TENM2: variants seen among roughly 807,000 people sequenced by gnomAD.
TENM2 encodes teneurin-2.
Under a neutral mutation model 245.2 loss-of-function variants are expected in TENM2, and 52 were observed. That is an observed-to-expected ratio of 0.21 (90% CI 0.17 to 0.27). The LOEUF (loss-of-function observed/expected upper bound fraction) is 0.27. Ranked by LOEUF, TENM2 falls within the 10% of genes least tolerant of loss-of-function variation. TENM2 has a pLI of 1.00. For missense variants in TENM2, 3,046 were observed against 3,666.8 expected (o/e 0.83, Z 4.37); for synonymous variants, 1,363 against 1,438.9 (o/e 0.95, Z 1.19).
At chr5:167,590,825 A>G (rs1441799517) in intron 2 of TENM2, among the ~76,000 whole-genome samples, 1 of 152,196 alleles carries the variant, frequency 6.6e-6, no homozygotes, top group Non-Finnish European at 1.5e-5. Flanking sequence ...TGTCTTAATC[A>G]GGCATTTCTT....
chr5:167,632,984 G>C (rs1404625152), intron 2 of TENM2, among the ~76,000 whole-genome samples: 2 of 152,164 alleles, frequency 1.3e-5, no homozygotes, highest in Non-Finnish European at 2.9e-5. Flanking sequence ...AGGAGTAGCA[G>C]AGGGAGAAAT....
chr5:167,663,524 C>T (rs527902523), intron 2 of TENM2, among the ~76,000 whole-genome samples: 1 of 152,118 alleles, frequency 6.6e-6, no homozygotes, highest in South Asian at 2.1e-4. Context: ...TGTTATGCAG[C>T]TTTACTCCAT....
rs5873067 is a variant in TENM2 at position 167,755,458 on chromosome 5, GA to G, written c.503-120518del. On this transcript the variant is annotated intron_variant, in intron 2 of 28. Coordinates refer to ENST00000518659, the Ensembl canonical transcript of TENM2. ...ATGATATCTGCCAGGTATTTCACCA[GA>G]AAAAAAAAATATGTGAAAATAAATA... is the stretch of plus-strand genomic sequence containing the variant. Among the ~76,000 whole-genome samples the G allele has an allele frequency of 6.1e-5, 9 of 147,938 alleles. No individual in the cohort carries two copies. The East Asian group carries it at 7.9e-4, about 13-fold the overall frequency.
chr5:167,226,751 A>T, the TENM2 span, among the ~76,000 whole-genome samples: 1 of 151,972 alleles, frequency 6.6e-6, no homozygotes, highest in South Asian at 2.1e-4. Context: ...TTCTGTCTAA[A>T]TTATCCGCCT....
chr5:167,939,150 C>A (rs1372661672), intron 3 of TENM2, among the ~76,000 whole-genome samples: 1 of 152,136 alleles, frequency 6.6e-6, no homozygotes, highest in Non-Finnish European at 1.5e-5. Context: ...ATTCCTCAAC[C>A]TTTTTGGCAC....
At chr5:167,474,235 A>G (rs1389592673) in intron 2 of TENM2, among the ~76,000 whole-genome samples, 2 of 152,180 alleles carry the variant, frequency 1.3e-5, no homozygotes, top group African/African-American at 4.8e-5. Flanking sequence ...TAACTATATC[A>G]TATATTTGCT....
chr5:168,011,623 C>T (rs1785228793), intron 5 of TENM2, among the ~76,000 whole-genome samples: 1 of 152,130 alleles, frequency 6.6e-6, no homozygotes, highest in South Asian at 2.1e-4. Flanking sequence ...CTGTGTCCCT[C>T]GTTCCTCTTG....
intron 2 of TENM2, among the ~76,000 whole-genome samples, chr5:167,683,078 T>C (rs1275184192): frequency 6.6e-6 from 1 of 152,212 alleles, no homozygotes; most frequent in Non-Finnish European, 1.5e-5. Flanking sequence ...ATCTGTTTAA[T>C]GTATTGGACA....
the TENM2 span, among the ~76,000 whole-genome samples, chr5:167,186,429 C>T: frequency 6.6e-6 from 1 of 152,274 alleles, no homozygotes; most frequent in East Asian, 1.9e-4. Context: ...GATAAAACAA[C>T]AGGGCTCTCC....
chr5:167,872,402 GAAA>G (rs577475308), intron 2 of TENM2, among the ~76,000 whole-genome samples: 2 of 143,406 alleles, frequency 1.4e-5, no homozygotes, highest in African/African-American at 2.6e-5. Flanking sequence ...AAGAAAGGAA[GAAA>G]AAAAGAGAAA....
At chr5:166,979,036 C>T in the TENM2 span, among the ~76,000 whole-genome samples, 2 of 151,898 alleles carry the variant, frequency 1.3e-5, no homozygotes, top group African/African-American at 4.8e-5. Flanking sequence ...TGTGTGCGCG[C>T]GAGAGCTCGC....
intron 13 of TENM2, among the ~76,000 whole-genome samples, chr5:168,181,343 A>G (rs1033313188): frequency 6.6e-6 from 1 of 152,212 alleles, no homozygotes; most frequent in Non-Finnish European, 1.5e-5. Context: ...GGTACAGTCT[A>G]TTAAAGAGAG....
At chr5:167,445,332 TATATAG>T (rs1412349008) in intron 2 of TENM2, among the ~76,000 whole-genome samples, 6 of 77,066 alleles carry the variant, frequency 7.8e-5, no homozygotes, top group African/African-American at 1.7e-4. Context: ...TATATATATA[TATATAG>T]AGAGAGAGAG....
intron 2 of TENM2, among the ~76,000 whole-genome samples, chr5:167,773,311 A>G (rs1288110449): frequency 6.6e-6 from 1 of 152,232 alleles, no homozygotes; most frequent in Non-Finnish European, 1.5e-5. Context: ...ACATCCCTGT[A>G]TCCATCCTAG....
chr5:167,872,686 C>G (rs536196338), intron 2 of TENM2, among the ~76,000 whole-genome samples: 6 of 152,086 alleles, frequency 3.9e-5, no homozygotes, highest in Non-Finnish European at 7.4e-5. Flanking sequence ...ATGGGCTTAA[C>G]GTGGGCAGAA....
intron 3 of TENM2, among the ~76,000 whole-genome samples, chr5:167,885,629 C>CA (rs754395160): frequency 1.3e-4 from 20 of 152,202 alleles, no homozygotes; most frequent in East Asian, 3.9e-4. Flanking sequence ...AGTCACTGTC[C>CA]AAAAAACAAA....
chr5:167,128,295 A>G, the TENM2 span, among the ~76,000 whole-genome samples: 1 of 152,134 alleles, frequency 6.6e-6, no homozygotes, highest in Admixed American at 6.5e-5. Flanking sequence ...AACCGACCTC[A>G]GTTTACTATG....
At chr5:168,050,350 G>C (rs1368250167) in intron 6 of TENM2, among the ~76,000 whole-genome samples, 1 of 152,122 alleles carries the variant, frequency 6.6e-6, no homozygotes, top group African/African-American at 2.4e-5. Context: ...TATACCCAGT[G>C]ACCTCCGCGC....
At chr5:167,623,136 A>T (rs1399868715) in intron 2 of TENM2, among the ~76,000 whole-genome samples, 2 of 152,178 alleles carry the variant, frequency 1.3e-5, no homozygotes, top group African/African-American at 4.8e-5. Flanking sequence ...TAGCTCAAGA[A>T]ATAGGGCTGC....
Sources: allele counts gnomAD v4.1 joint callset (sites outside exome capture counted in the v4.1 genomes callset), GRCh38; gene constraint gnomAD v4.1.1; transcripts MANE v1.5; gene names NCBI Gene and HGNC (gene_info 2026-07-23, HGNC 2026-07-21).